Variants in CDH4 observed in about 807,000 individuals in gnomAD.
CDH4 encodes cadherin 4.
Under a neutral mutation model 86.0 loss-of-function variants are expected in CDH4, and 33 were observed. The observed-to-expected ratio is 0.38, with a 90% CI of 0.29 to 0.51. The LOEUF (loss-of-function observed/expected upper bound fraction) is 0.51, where lower values mean the gene tolerates loss of function less well. Among genes scored for constraint, CDH4 ranks in the 20% least tolerant of loss-of-function variants. The probability of loss-of-function intolerance (pLI) is 0.86; values close to 1 mark genes in which losing one functional copy is unlikely to be tolerated. For missense variants in CDH4, 1,114 were observed against 1,307.4 expected (o/e 0.85, Z 2.28); for synonymous variants, 555 against 549.4 (o/e 1.01, Z -0.14).
chr20:61,738,966 G>A (rs1301230742), intron 2 of CDH4: 1 of 152,594 alleles, frequency 6.6e-6, no homozygotes, highest in Admixed American at 6.5e-5. Context: ...TGCAGGGGCT[G>A]GGACAGGACG....
intron 2 of CDH4, among the ~76,000 whole-genome samples, chr20:61,550,206 G>T (rs2086118840): frequency 7.4e-6 from 1 of 134,288 alleles, no homozygotes; most frequent in Non-Finnish European, 1.7e-5. Context: ...GGCCTCCCTA[G>T]CCTGTTTCCC....
rs1453141862 is a variant in CDH4 at position 61,659,727 on chromosome 20, A to C, written c.170-83836A>C. ...CCTCAGGCATCCGAGGCTTGGAGGC[A>C]GGAGGAGGGTGGGCCTCAGCCATCT... On this transcript the variant is annotated intron_variant, in intron 2 of 15. Coordinates refer to ENST00000614565, the MANE Select transcript of CDH4 (RefSeq NM_001794.5). Among the ~76,000 whole-genome samples, 4 of 151,476 alleles carry C rather than the reference A, an allele frequency of 2.6e-5. No homozygotes were observed. The South Asian group carries it at 8.4e-4, about 32-fold the overall frequency.
At chr20:61,384,863 A>G (rs1410705427) in intron 2 of CDH4, among the ~76,000 whole-genome samples, 2 of 152,156 alleles carry the variant, frequency 1.3e-5, no homozygotes, top group Admixed American at 6.5e-5. Context: ...TTCAGACTCT[A>G]AGTCTGATCC....
chr20:61,628,428 C>CTCATTCAT (rs144320103), intron 2 of CDH4, among the ~76,000 whole-genome samples: 2 of 152,092 alleles, frequency 1.3e-5, no homozygotes, highest in African/African-American at 4.8e-5. Flanking sequence ...GGTTTGCCAG[C>CTCATTCAT]TCATTCATTC....
chr20:61,545,905 G>C (rs2086076531), intron 2 of CDH4, among the ~76,000 whole-genome samples: 1 of 148,514 alleles, frequency 6.7e-6, no homozygotes, highest in Non-Finnish European at 1.5e-5. Flanking sequence ...GTATGTGTGT[G>C]TGTGGAGGGG....
At chr20:61,878,314 G>A (rs1161258532) in intron 7 of CDH4, among the ~76,000 whole-genome samples, 1 of 152,210 alleles carries the variant, frequency 6.6e-6, no homozygotes, top group Non-Finnish European at 1.5e-5. Context: ...CCCCCGGCTG[G>A]AAGGTGGCTG....
In CDH4 at chr20:61,852,825, C is replaced by T. The variant is rs745417838; in HGVS notation, c.804C>T (p.Ile268=). The part of the protein sequence containing the change: ...ENPIDLYIYV[I]DMNDNRPEFI... ...CCATCGACCTGTACATCTACGTCAT[C>T]GACATGAATGACAACCGCCCTGAGT... The change falls in exon 6 of 16, where the codon ATC becomes ATT. Residue 268 remains isoleucine (I), a synonymous_variant. Transcript: ENST00000614565. 5.9e-5 allele frequency: 95 copies of T among 1,613,932 alleles called. No homozygotes were observed. The Admixed American group carries it at 1.2e-3, about 21-fold the overall frequency.
chr20:61,735,262 C>T (rs1387438827), intron 2 of CDH4, among the ~76,000 whole-genome samples: 2 of 152,194 alleles, frequency 1.3e-5, no homozygotes, highest in Non-Finnish European at 2.9e-5. Context: ...TTAGGGACCC[C>T]AGAAGCTGCT....
chr20:61,467,986 T>C (rs939281001), intron 2 of CDH4, among the ~76,000 whole-genome samples: 2 of 152,206 alleles, frequency 1.3e-5, no homozygotes, highest in Non-Finnish European at 2.9e-5. Context: ...ACATGGAGTT[T>C]CTGTTGTCTT....
At chr20:61,411,463 C>A (rs529075054) in intron 2 of CDH4, among the ~76,000 whole-genome samples, 1 of 151,716 alleles carries the variant, frequency 6.6e-6, no homozygotes, top group Non-Finnish European at 1.5e-5. Context: ...ACTCTCTCAT[C>A]TTTTTTATTT....
At chr20:61,741,497 C>CTTT (rs34240799) in intron 2 of CDH4, among the ~76,000 whole-genome samples, 4,907 of 148,178 alleles carry the variant, frequency 0.033, 264 homozygotes, top group African/African-American at 0.11. Flanking sequence ...TGTGCCTGTA[C>CTTT]TTTTTTTTTT....
intron 4 of CDH4, among the ~76,000 whole-genome samples, chr20:61,844,307 T>C (rs71323525): frequency 6.6e-6 from 1 of 152,094 alleles, no homozygotes; most frequent in Non-Finnish European, 1.5e-5. Context: ...ACTGTGGAGG[T>C]TGCTCTGTTT....
intron 2 of CDH4, among the ~76,000 whole-genome samples, chr20:61,328,815 TA>T (rs2084551695): frequency 6.6e-6 from 1 of 152,108 alleles, no homozygotes; most frequent in African/African-American, 2.4e-5. Context: ...ATTAAATAAA[TA>T]AAAAATAGTT....
chr20:61,574,919 C>G (rs1225693519), intron 2 of CDH4, among the ~76,000 whole-genome samples: 1 of 152,202 alleles, frequency 6.6e-6, no homozygotes, highest in Admixed American at 6.5e-5. Context: ...AGGATTCTCT[C>G]AGGACAGAGC....
At chr20:61,627,870 G>A (rs2086844645) in intron 2 of CDH4, among the ~76,000 whole-genome samples, 1 of 152,044 alleles carries the variant, frequency 6.6e-6, no homozygotes, top group Non-Finnish European at 1.5e-5. Context: ...TCCCTTTTGT[G>A]TCGGTGTCCC....
At chr20:61,916,228 G>A (rs1366036464) in intron 9 of CDH4, among the ~76,000 whole-genome samples, 1 of 152,126 alleles carries the variant, frequency 6.6e-6, no homozygotes, top group African/African-American at 2.4e-5. Flanking sequence ...GGAGGTAGAA[G>A]GCCAGTGCAG....
intron 3 of CDH4, among the ~76,000 whole-genome samples, chr20:61,761,221 G>A (rs2088628868): frequency 6.6e-6 from 1 of 152,140 alleles, no homozygotes; most frequent in Non-Finnish European, 1.5e-5. Flanking sequence ...TGACATTTAG[G>A]GGAGGGGGGC....
intron 2 of CDH4, among the ~76,000 whole-genome samples, chr20:61,275,210 T>C (rs1480366837): frequency 4.3e-5 from 5 of 117,202 alleles, no homozygotes; most frequent in Admixed American, 9.7e-5. Context: ...GAGTACTGTA[T>C]GCAATTTGGG....
chr20:61,508,036 C>T (rs1382398958), intron 2 of CDH4, among the ~76,000 whole-genome samples: 3 of 152,234 alleles, frequency 2.0e-5, no homozygotes, highest in African/African-American at 7.2e-5. Flanking sequence ...TGCGCACTGT[C>T]GTGCAGAGTG....
Sources: allele counts gnomAD v4.1 joint callset (sites outside exome capture counted in the v4.1 genomes callset), GRCh38; gene constraint gnomAD v4.1.1; transcripts MANE v1.5; gene names NCBI Gene and HGNC (gene_info 2026-07-23, HGNC 2026-07-21).